Variants in FBXL13 observed in about 807,000 individuals in gnomAD.
FBXL13 encodes the protein F-box and leucine-rich repeat protein 13.
Under a neutral mutation model 83.6 loss-of-function variants are expected in FBXL13, and 67 were observed. The observed-to-expected ratio is 0.80, with a 90% CI of 0.66 to 0.98. The LOEUF is 0.98. Among genes scored for constraint, FBXL13 ranks in the 50% least tolerant of loss-of-function variants. The pLI, the probability that FBXL13 is intolerant of heterozygous loss-of-function variation, is 0.00. For synonymous variants in FBXL13, 272 were observed against 299.5 expected, an observed-to-expected ratio of 0.91 and a Z score of 0.95; for missense variants, 822 against 866.5, an observed-to-expected ratio of 0.95 and a Z score of 0.64.
At chr7:102,824,299 A>G (rs1363894296) in intron 18 of FBXL13, among the ~76,000 whole-genome samples, 1 of 152,242 alleles carries the variant, frequency 6.6e-6, no homozygotes, top group Non-Finnish European at 1.5e-5. Flanking sequence ...TTTTTAAATG[A>G]AATTATTTTA....
At chr7:102,839,728 G>T (rs1802601950) in intron 17 of FBXL13, among the ~76,000 whole-genome samples, 1 of 152,096 alleles carries the variant, frequency 6.6e-6, no homozygotes, top group African/African-American at 2.4e-5. Context: ...TTACACATGT[G>T]AGCCACTGTG....
intron 6 of FBXL13, among the ~76,000 whole-genome samples, chr7:102,990,300 C>T (rs1312858083): frequency 6.6e-6 from 1 of 151,990 alleles, no homozygotes; most frequent in African/African-American, 2.4e-5. Context: ...AGAAATAATT[C>T]CCAGAGAAAA....
intron 16 of FBXL13, among the ~76,000 whole-genome samples, chr7:102,863,780 T>G (rs112085297): frequency 3.3e-5 from 5 of 152,188 alleles, no homozygotes; most frequent in African/African-American, 1.2e-4. Flanking sequence ...CAAGCCCTAA[T>G]TGCTCTCCTA....
chr7:102,882,568 C>T (rs13239030), intron 14 of FBXL13, among the ~76,000 whole-genome samples: 1 of 152,014 alleles, frequency 6.6e-6, no homozygotes, highest in African/African-American at 2.4e-5. Context: ...TCAAGAACAG[C>T]CTGGCCAAAG....
intron 8 of FBXL13, chr7:102,942,138 G>T: frequency 9.6e-6 from 5 of 522,922 alleles, no homozygotes; most frequent in East Asian, 9.4e-5. Context: ...TCTCAGGAAC[G>T]TATTTCCTAC....
At chr7:103,069,260 G>A (rs926232483) in intron 1 of FBXL13, among the ~76,000 whole-genome samples, 20 of 150,914 alleles carry the variant, frequency 1.3e-4, no homozygotes, top group Admixed American at 1.1e-3. Flanking sequence ...AGTGAGGAGC[G>A]CCTCTACCTG....
At chr7:102,964,425 C>G (rs1251058089) in intron 7 of FBXL13, among the ~76,000 whole-genome samples, 6 of 144,792 alleles carry the variant, frequency 4.1e-5, no homozygotes, top group Non-Finnish European at 7.5e-5. Flanking sequence ...TTTTTCCAGA[C>G]TGAGTCTCTC....
intron 15 of FBXL13, 23 bp downstream of exon 16, chr7:102,878,308 T>C (rs559650217): frequency 3.8e-6 from 6 of 1,577,442 alleles, no homozygotes; most frequent in Admixed American, 3.8e-5. Context: ...AATGATATGA[T>C]GTAAAAGACT....
At chr7:102,976,262 G>A (rs751326141) in intron 6 of FBXL13, 6 of 703,352 alleles carry the variant, frequency 8.5e-6, no homozygotes, top group African/African-American at 6.9e-5. Context: ...ATTAATACCA[G>A]GGCAACCTAT....
chr7:103,043,608 T>A (rs1237735482), intron 2 of FBXL13, among the ~76,000 whole-genome samples: 1 of 152,138 alleles, frequency 6.6e-6, no homozygotes, highest in African/African-American at 2.4e-5. Context: ...GCCTTCAGGG[T>A]CTGGGCAATT....
intron 6 of FBXL13, among the ~76,000 whole-genome samples, chr7:103,021,427 G>A (rs1793159762): frequency 6.6e-6 from 1 of 152,150 alleles, no homozygotes. Flanking sequence ...GCATGGGCAA[G>A]GACTTCATGT....
intron 7 of FBXL13, among the ~76,000 whole-genome samples, chr7:102,967,621 T>C (rs1280848176): frequency 6.6e-6 from 1 of 152,158 alleles, no homozygotes; most frequent in African/African-American, 2.4e-5. Context: ...TTATGAGTTA[T>C]GAAAAGGCCA....
At chr7:103,071,265 G>A (rs1167188750) in intron 1 of FBXL13, among the ~76,000 whole-genome samples, 1 of 152,138 alleles carries the variant, frequency 6.6e-6, no homozygotes, top group Non-Finnish European at 1.5e-5. Flanking sequence ...AAGGAAAAGA[G>A]AGAACTGAAT....
intron 1 of FBXL13, among the ~76,000 whole-genome samples, chr7:103,073,150 G>A (rs1206153130): frequency 1.3e-5 from 2 of 152,100 alleles, no homozygotes; most frequent in African/African-American, 4.8e-5. Context: ...CATTCCACAA[G>A]ACATCTGTTA....
At chr7:102,969,385 C>T (rs1341056663) in intron 6 of FBXL13, among the ~76,000 whole-genome samples, 3 of 151,950 alleles carry the variant, frequency 2.0e-5, no homozygotes, top group Admixed American at 6.6e-5. Flanking sequence ...TTGTGTAGCA[C>T]TCTATGATGT....
At chr7:102,963,613 G>C (rs1825622659) in exon 8 of FBXL13, 1 of 1,612,462 alleles carries the variant, frequency 6.2e-7, no homozygotes, top group Non-Finnish European at 8.5e-7. Flanking sequence ...CCTTTGCAAA[G>C]TAGACACTAT....
At chr7:102,831,431 A>ACACACACACACACCC (rs1033135095) in intron 18 of FBXL13, among the ~76,000 whole-genome samples, 3 of 147,126 alleles carry the variant, frequency 2.0e-5, no homozygotes, top group African/African-American at 7.5e-5. Context: ...ACACACACAC[A>ACACACACACACACCC]CCCCACTACA....
chr7:102,830,905 CCA>C (rs1800547462), intron 18 of FBXL13, among the ~76,000 whole-genome samples: 1 of 152,212 alleles, frequency 6.6e-6, no homozygotes, highest in South Asian at 2.1e-4. Context: ...TCAATATCTT[CCA>C]CTTTAGAGAC....
intron 10 of FBXL13, among the ~76,000 whole-genome samples, chr7:102,921,902 G>A (rs192959946): frequency 6.6e-6 from 1 of 151,668 alleles, no homozygotes; most frequent in Admixed American, 6.6e-5. Context: ...AAATATCACT[G>A]GGTCAAGTCC....
Sources: allele counts gnomAD v4.1 joint callset (sites outside exome capture counted in the v4.1 genomes callset), GRCh38; gene constraint gnomAD v4.1.1; transcripts MANE v1.5; gene names NCBI Gene and HGNC (gene_info 2026-07-23, HGNC 2026-07-21).